CREB3L2: variants seen among roughly 807,000 people sequenced by gnomAD.
CREB3L2 encodes the protein cAMP responsive element binding protein 3 like 2, also known as cyclic AMP-responsive element-binding protein 3-like protein 2.
In CREB3L2, 23 loss-of-function variants were observed where a neutral mutation model predicts 57.2. The observed-to-expected ratio is 0.40, with a 90% CI of 0.29 to 0.57. The LOEUF (loss-of-function observed/expected upper bound fraction) is 0.57, where lower values mean the gene tolerates loss of function less well. Among genes scored for constraint, CREB3L2 ranks in the 20% least tolerant of loss-of-function variants. The pLI is 0.42. For synonymous variants in CREB3L2, 268 were observed against 265.1 expected (o/e 1.01, Z -0.11); for missense variants, 628 against 634.7 (o/e 0.99, Z 0.11).
intron 1 of CREB3L2, among the ~76,000 whole-genome samples, chr7:137,963,835 GT>G (rs939455985): frequency 9.3e-5 from 14 of 150,704 alleles, no homozygotes; most frequent in African/African-American, 2.9e-4. Flanking sequence ...TTATTTTGGT[GT>G]TTTTTTTTAA....
Position 137,876,362 on chromosome 7 carries a change from GTGTGTGTC to G in CREB3L2, c.*4106_*4113del. The G allele has an allele frequency of 4.3e-6, 1 of 230,070 alleles. No homozygotes were observed. The highest frequency in any genetic ancestry group is 2.3e-5 in the African/African-American group (1 of 42,992). 14.3% of individuals were successfully genotyped at this position (230,070 alleles called of 1,614,324 possible). ...TGTGTGTGTGTGTGTGTGTGTGTGT[GTGTGTGTC>G]AGAGAGAGAAGAAGGGAGAGAGAAG... On this transcript the variant is annotated 3_prime_UTR_variant, in exon 12 of 12. Coordinates refer to ENST00000330387, the MANE Select transcript of CREB3L2 (RefSeq NM_194071.4).
At chr7:137,967,014 T>C (rs1801418589) in intron 1 of CREB3L2, among the ~76,000 whole-genome samples, 1 of 152,190 alleles carries the variant, frequency 6.6e-6, no homozygotes, top group South Asian at 2.1e-4. Context: ...ATGGGATTAG[T>C]GCCCTTATAA....
rs75798801 is a variant in CREB3L2, at chr7:137,919,073, C to T, written c.320-3061G>A. Among the ~76,000 whole-genome samples, 896 of 152,218 alleles carry T rather than the reference C, an allele frequency of 5.9e-3. 2 individuals are homozygous for T. Among genetic ancestry groups the T allele is most frequent in the Non-Finnish European group, 9.9e-3 (673 of 68,012 alleles). On this transcript the variant is annotated intron_variant, in intron 2 of 11. Coordinates refer to ENST00000330387, the MANE Select transcript of CREB3L2 (RefSeq NM_194071.4). ...AGCTTTTTTGAGGGCAAACAACAGG[C>T]GCTGCTTTCATGCTTCCATTCCAAT...
chr7:137,998,846 G>C lies in CREB3L2; in HGVS notation c.102+2758C>G, dbSNP rs1349459993. The stretch of plus-strand genomic sequence containing the variant: ...TGGTGACAGCACAGCATCAAACCAA[G>C]TGTGGACCCCGTGGCACTGCATGGG... On this transcript the variant is annotated intron_variant, in intron 1 of 11. Coordinates refer to ENST00000330387, the MANE Select transcript of CREB3L2 (RefSeq NM_194071.4). Among the ~76,000 whole-genome samples, 4 of 152,178 alleles carry C rather than the reference G, an allele frequency of 2.6e-5. 1 individual carries two copies. In the East Asian group the frequency reaches 7.7e-4, roughly 29 times the overall value.
intron 1 of CREB3L2, among the ~76,000 whole-genome samples, chr7:137,952,562 T>A (rs1206625460): frequency 6.6e-6 from 1 of 152,192 alleles, no homozygotes; most frequent in Admixed American, 6.5e-5. Flanking sequence ...TTTTATGATC[T>A]GGCCCCTGCT....
chr7:137,895,158 T>C (rs981857295), intron 8 of CREB3L2, among the ~76,000 whole-genome samples: 2 of 152,188 alleles, frequency 1.3e-5, no homozygotes, highest in Non-Finnish European at 2.9e-5. Context: ...GGCCGGGCAG[T>C]GTATGTGCAT....
chr7:137,903,848 T>C, intron 7 of CREB3L2, 111 bp downstream of exon 7: 1 of 906,300 alleles, frequency 1.1e-6, no homozygotes, highest in Non-Finnish European at 1.8e-6. Context: ...ACCACCGGGT[T>C]TCCAAGGTGG....
intron 2 of CREB3L2, among the ~76,000 whole-genome samples, chr7:137,927,252 GGAACA>G (rs1300242356): frequency 7.8e-6 from 1 of 128,682 alleles, no homozygotes; most frequent in East Asian, 2.3e-4. Context: ...GGAACGGAAC[GGAACA>G]GAACGGAAAG....
rs1799190072 is a variant in CREB3L2 at position 137,877,745 on chromosome 7, T to C, written c.*2731A>G. On this transcript the variant is annotated 3_prime_UTR_variant, in exon 12 of 12. Transcript: ENST00000330387. The stretch of plus-strand genomic sequence containing the variant: ...AGACACTGTCTGCCACTATTTGAAA[T>C]CTTTAGAGCTAATCATAAGTTAATG... The C allele has an allele frequency of 1.3e-5, 3 of 228,162 alleles. No individual in the cohort carries two copies. The highest frequency in any genetic ancestry group is 2.6e-5 in the Non-Finnish European group (3 of 115,092). 14.1% of individuals were successfully genotyped at this position (228,162 alleles called of 1,614,324 possible).
At chr7:137,931,201 C>T (rs1309883711) in intron 1 of CREB3L2, among the ~76,000 whole-genome samples, 1 of 151,666 alleles carries the variant, frequency 6.6e-6, no homozygotes, top group Non-Finnish European at 1.5e-5. Flanking sequence ...CATTGCACTC[C>T]AGCCCAGGTG....
chr7:137,964,089 C>A (rs930133333), intron 1 of CREB3L2, among the ~76,000 whole-genome samples: 11 of 151,792 alleles, frequency 7.2e-5, no homozygotes, highest in Non-Finnish European at 1.0e-4. Context: ...TCGTGGCGGG[C>A]GGATCACCTG....
chr7:137,909,092 T>A (rs1279623775), intron 4 of CREB3L2, among the ~76,000 whole-genome samples: 1 of 152,098 alleles, frequency 6.6e-6, no homozygotes, highest in East Asian at 1.9e-4. Context: ...AGAGCGAGAA[T>A]CCATCTCAAA....
At chr7:137,896,691 C>T (rs1035804397) in intron 8 of CREB3L2, among the ~76,000 whole-genome samples, 4 of 151,992 alleles carry the variant, frequency 2.6e-5, no homozygotes, top group Non-Finnish European at 4.4e-5. Flanking sequence ...ACCATAAAAG[C>T]GTTATCCACG....
intron 3 of CREB3L2, among the ~76,000 whole-genome samples, chr7:137,914,320 G>C (rs1429424390): frequency 6.6e-6 from 1 of 152,126 alleles, no homozygotes; most frequent in Non-Finnish European, 1.5e-5. Flanking sequence ...TCTGAGCTTT[G>C]CTAGTTACAT....
chr7:137,946,872 A>G (rs1800998855), intron 1 of CREB3L2, among the ~76,000 whole-genome samples: 1 of 64,200 alleles, frequency 1.6e-5, no homozygotes, highest in South Asian at 4.4e-4. Context: ...AGTTATATAT[A>G]TAGTTATCTA....
rs1009794388 is a variant in CREB3L2 at position 137,874,994 on chromosome 7, A to C, written c.*5482T>G. 1 of 181,732 alleles carries C rather than the reference A, an allele frequency of 5.5e-6. No individual in the cohort carries two copies. Among genetic ancestry groups the C allele is most frequent in the Non-Finnish European group, 1.2e-5 (1 of 85,050 alleles). The allele number at this position is 181,732 out of a possible 1,614,324, so 11.3% of individuals were successfully genotyped here. On this transcript the variant is annotated 3_prime_UTR_variant, in exon 12 of 12. Transcript: ENST00000330387. ...GGGCAACATCTTACTATTTAAGAAA[A>C]AATATTTATTTGCAAGAAATGGAAA... is the stretch of plus-strand genomic sequence containing the variant.
In CREB3L2 at chr7:137,980,631, A is replaced by G. The variant is rs1306187747; in HGVS notation, c.102+20973T>C. Among the ~76,000 whole-genome samples, 2 of 152,190 alleles carry G rather than the reference A, an allele frequency of 1.3e-5. No individual in the cohort carries two copies. The highest frequency in any genetic ancestry group is 2.9e-5 in the Non-Finnish European group (2 of 68,026). ...TCAGGCCTACTTTCAGACTTCCCCA[A>G]CCAGTGGCCCAGGCTCCTAAAATAC... On this transcript the variant is annotated intron_variant, in intron 1 of 11. Coordinates refer to ENST00000330387, the MANE Select transcript of CREB3L2 (RefSeq NM_194071.4). The surrounding 1 kb of genome is among the most constrained non-coding windows in gnomAD (Gnocchi z 4.3).
Position 137,880,290 on chromosome 7 carries a change from GCATGGACCAGGGGGAGATGCTCTCT to G in CREB3L2, c.*161_*185del. The G allele has an allele frequency of 1.6e-6, 1 of 610,622 alleles. No individual in the cohort carries two copies. Among genetic ancestry groups the G allele is most frequent in the South Asian group, 1.9e-5 (1 of 51,412 alleles). The allele number at this position is 610,622 out of a possible 1,614,324, so 37.8% of individuals were successfully genotyped here. A position where few individuals can be genotyped will look rare whatever the true frequency, so the allele number is the denominator to read the frequency against. On this transcript the variant is annotated 3_prime_UTR_variant, in exon 12 of 12. Coordinates refer to ENST00000330387, the MANE Select transcript of CREB3L2 (RefSeq NM_194071.4). This position sits in a 1 kb window ranked among gnomAD's most constrained non-coding sequence, Gnocchi z 4.0. The stretch of plus-strand genomic sequence containing the variant: ...GCAGGCTCCCTTCTGCACAGGAGGG[GCATGGACCAGGGGGAGATGCTCTCT>G]CACTGCAGGGAAGTCCCAGGCTGGT...
intron 1 of CREB3L2, among the ~76,000 whole-genome samples, chr7:137,940,727 G>A (rs979029381): frequency 2.6e-5 from 4 of 152,170 alleles, no homozygotes; most frequent in Non-Finnish European, 4.4e-5. Context: ...AAACACTAAC[G>A]GGCGATGAAG....
Sources: allele counts gnomAD v4.1 joint callset (sites outside exome capture counted in the v4.1 genomes callset), GRCh38; gene constraint gnomAD v4.1.1; non-coding constraint Gnocchi (gnomAD v3.1); transcripts MANE v1.5; gene names NCBI Gene and HGNC (gene_info 2026-07-23, HGNC 2026-07-21).